CSMD1: variants seen among roughly 807,000 people sequenced by gnomAD.
CSMD1 encodes the protein CUB and sushi domain-containing protein 1.
CSMD1 carries 213 observed loss-of-function variants against 417.5 expected under a neutral mutation model. That is an observed-to-expected ratio of 0.51 (90% CI 0.46 to 0.57). The LOEUF (loss-of-function observed/expected upper bound fraction) is 0.57, where lower values mean the gene tolerates loss of function less well. Ranked by LOEUF, CSMD1 falls within the 20% of genes least tolerant of loss-of-function variation. The probability of loss-of-function intolerance (pLI) is 0.00; values close to 1 mark genes in which losing one functional copy is unlikely to be tolerated. For synonymous variants in CSMD1, 2,862 were observed against 1,736.8 expected (o/e 1.65, Z -16.11); for missense variants, 6,923 against 4,529.7 (o/e 1.53, Z -15.17).
chr8:4,897,819 A>G (rs1372772436), intron 1 of CSMD1, among the ~76,000 whole-genome samples: 1 of 152,150 alleles, frequency 6.6e-6, no homozygotes, highest in Non-Finnish European at 1.5e-5. Context: ...CAGAGACTTA[A>G]ATAAGTTTTT....
chr8:3,637,656 C>T (rs1208329413), intron 7 of CSMD1, among the ~76,000 whole-genome samples: 1 of 152,104 alleles, frequency 6.6e-6, no homozygotes, highest in Non-Finnish European at 1.5e-5. Context: ...ATTCAATCCC[C>T]CCAACAATCA....
intron 2 of CSMD1, among the ~76,000 whole-genome samples, chr8:4,620,924 A>T (rs1252925052): frequency 1.3e-5 from 2 of 152,018 alleles, no homozygotes; most frequent in Non-Finnish European, 1.5e-5. Context: ...CAACTGGCAA[A>T]TAATAAATTA....
intron 31 of CSMD1, among the ~76,000 whole-genome samples, chr8:3,202,883 G>A (rs549375042): frequency 5.3e-5 from 8 of 152,226 alleles, no homozygotes; most frequent in Admixed American, 2.0e-4. Context: ...AAGGCATGTA[G>A]GCTAGGTGAA....
chr8:3,033,064 T>C (rs1352319506), intron 50 of CSMD1, among the ~76,000 whole-genome samples: 1 of 152,018 alleles, frequency 6.6e-6, no homozygotes, highest in Non-Finnish European at 1.5e-5. Flanking sequence ...ATTTCATTCC[T>C]TGTTCTCTTC....
chr8:3,396,964 C>T (rs2121653), intron 16 of CSMD1, among the ~76,000 whole-genome samples: 15,302 of 152,082 alleles, frequency 0.1, 833 homozygotes, highest in Middle Eastern at 0.13. Flanking sequence ...CCATTTCAGA[C>T]ATGAAAGGAT....
chr8:4,199,903 C>T (rs1176957095), intron 3 of CSMD1, among the ~76,000 whole-genome samples: 1 of 151,974 alleles, frequency 6.6e-6, no homozygotes, highest in Non-Finnish European at 1.5e-5. Context: ...GAAGACAAGT[C>T]ATACATTTTG....
chr8:3,249,383 C>T (rs921141368), intron 26 of CSMD1, among the ~76,000 whole-genome samples: 8 of 152,090 alleles, frequency 5.3e-5, no homozygotes, highest in East Asian at 3.9e-4. Context: ...CCACCACGCT[C>T]GGCTATTTTT....
chr8:4,602,290 C>A (rs1464708930), intron 2 of CSMD1, among the ~76,000 whole-genome samples: 2 of 152,058 alleles, frequency 1.3e-5, no homozygotes, highest in African/African-American at 2.4e-5. Context: ...AAGAAAGGGG[C>A]CCTGCACAAA....
chr8:3,824,871 C>A lies in CSMD1; in HGVS notation c.819-70829G>T, dbSNP rs181224374. Reference sequence around the variant, plus strand: ...ACAGGGTTTCAATTAAAACCTGACACAGGCTTTAATAAAATGAGAATTGTA... The same window carrying A: ...ACAGGGTTTCAATTAAAACCTGACAAAGGCTTTAATAAAATGAGAATTGTA... On this transcript the variant is annotated intron_variant, in intron 5 of 69. Coordinates refer to ENST00000635120, the MANE Select transcript of CSMD1 (RefSeq NM_033225.6). Among the ~76,000 whole-genome samples, 281 of 152,028 alleles carry A rather than the reference C, an allele frequency of 1.8e-3. 2 individuals are homozygous for A. The highest frequency in any genetic ancestry group is 6.4e-3 in the African/African-American group (265 of 41,354).
At chr8:3,616,827 C>T (rs774204550) in intron 7 of CSMD1, 30 bp from the exon 8 acceptor site, 5 of 1,483,222 alleles carry the variant, frequency 3.4e-6, no homozygotes, top group Middle Eastern at 1.7e-4. Flanking sequence ...TGTCAAAATG[C>T]TGTATAGTTA....
At chr8:3,967,409 G>C (rs76982129) in intron 5 of CSMD1, among the ~76,000 whole-genome samples, 2 of 151,630 alleles carry the variant, frequency 1.3e-5, no homozygotes, top group Admixed American at 6.6e-5. Flanking sequence ...CATTCAACCT[G>C]TATCACCTGA....
At chr8:4,336,613 G>C (rs187741150) in intron 3 of CSMD1, among the ~76,000 whole-genome samples, 106 of 152,284 alleles carry the variant, frequency 7.0e-4, no homozygotes, top group African/African-American at 2.5e-3. Context: ...AAGTGCATTT[G>C]TTGTGTTGCA....
intron 49 of CSMD1, among the ~76,000 whole-genome samples, chr8:3,082,978 A>G (rs1238711441): frequency 1.3e-5 from 2 of 152,182 alleles, no homozygotes; most frequent in Non-Finnish European, 2.9e-5. Flanking sequence ...GGTGGCGAAG[A>G]CGTGGTGATG....
intron 1 of CSMD1, among the ~76,000 whole-genome samples, chr8:4,900,305 A>T (rs1408659136): frequency 3.3e-5 from 5 of 152,012 alleles, no homozygotes; most frequent in African/African-American, 7.3e-5. Context: ...TCCACCTCCT[A>T]TGTCCTTAGG....
intron 1 of CSMD1, among the ~76,000 whole-genome samples, chr8:4,699,857 C>A (rs992326354): frequency 2.0e-5 from 3 of 152,236 alleles, no homozygotes; most frequent in Admixed American, 2.0e-4. Flanking sequence ...GACAATACTG[C>A]GAGCAAGAAC....
chr8:4,109,798 A>G (rs720399), intron 3 of CSMD1, among the ~76,000 whole-genome samples: 18,903 of 152,176 alleles, frequency 0.12, 1,635 homozygotes, highest in Non-Finnish European at 0.19. Context: ...CTGAGAGACT[A>G]AACAAAAAGG....
intron 3 of CSMD1, among the ~76,000 whole-genome samples, chr8:4,184,361 G>C (rs963294320): frequency 6.6e-6 from 1 of 152,140 alleles, no homozygotes; most frequent in African/African-American, 2.4e-5. Context: ...CACTGGAACT[G>C]TGCTCCCTGA....
At chr8:4,869,662 A>G (rs1802620371) in intron 1 of CSMD1, among the ~76,000 whole-genome samples, 1 of 152,102 alleles carries the variant, frequency 6.6e-6, no homozygotes, top group Admixed American at 6.5e-5. Flanking sequence ...AGATTTTTAA[A>G]AAACATTAGG....
chr8:4,423,447 A>C (rs953323451), intron 2 of CSMD1, among the ~76,000 whole-genome samples: 1 of 152,102 alleles, frequency 6.6e-6, no homozygotes, highest in African/African-American at 2.4e-5. Flanking sequence ...TCTGAAATAC[A>C]TCAATCACAA....
Sources: allele counts gnomAD v4.1 joint callset (sites outside exome capture counted in the v4.1 genomes callset), GRCh38; gene constraint gnomAD v4.1.1; transcripts MANE v1.5; gene names NCBI Gene and HGNC (gene_info 2026-07-23, HGNC 2026-07-21).